Variants in BDKRB1 observed in about 807,000 individuals in gnomAD.
BDKRB1 encodes the protein bradykinin receptor B1, also known as B1 bradykinin receptor.
For missense variants in BDKRB1, 414 were observed against 441.4 expected (o/e 0.94, Z 0.56); for synonymous variants, 192 against 189.1 (o/e 1.02, Z -0.13).
At chr14:96,263,637 C>A in intron 2 of BDKRB1, 36 bp from the exon 3 acceptor site, 1 of 1,552,956 alleles carries the variant, frequency 6.4e-7, no homozygotes, top group South Asian at 1.3e-5. Context: ...TGTAGTCTGC[C>A]ACTTCCTGTT....
chr14:96,264,238 A>G lies in BDKRB1; in HGVS notation c.556A>G (p.Ile186Val), dbSNP rs1885834133. The change falls in exon 3 of 3, where the codon ATC (isoleucine) becomes GTC (valine). Residue 186 changes from isoleucine (I) to valine (V), a missense_variant. Transcript: ENST00000216629. ...RSIQAVPDLNITACILLLPHE... is the reference protein window; with the variant it reads ...RSIQAVPDLNVTACILLLPHE... ...CATCCAAGCCGTCCCAGATCTGAAC[A>G]TCACCGCCTGCATCCTGCTCCTCCC... 1 of 1,614,054 alleles carries G rather than the reference A, an allele frequency of 6.2e-7. No individual in the cohort carries two copies. The highest frequency in any genetic ancestry group is 1.3e-5 in the African/African-American group (1 of 74,926).
At chr14:96,262,619 TTTTTTTTGTTG>T in intron 1 of BDKRB1, 22 bp from the exon 2 acceptor site, 1 of 318,656 alleles carries the variant, frequency 3.1e-6, no homozygotes, top group Admixed American at 4.1e-5. Flanking sequence ...TTTTTTTTTT[TTTTTTTTGTTG>T]TTGTTGTTGT....
At chr14:96,257,962 AGGAGGGAAGGAGGGTAG>A (rs1223173986) in intron 1 of BDKRB1, among the ~76,000 whole-genome samples, 1 of 145,934 alleles carries the variant, frequency 6.9e-6, no homozygotes, top group Non-Finnish European at 1.5e-5. Context: ...GAAGGAAGGA[AGGAGGGAAGGAGGGTAG>A]GGAGGGAAGG....
intron 2 of BDKRB1, among the ~76,000 whole-genome samples, chr14:96,263,171 G>A (rs1316115113): frequency 6.6e-6 from 1 of 152,076 alleles, no homozygotes; most frequent in Non-Finnish European, 1.5e-5. Context: ...TTAAATGCCT[G>A]TTAAAACCCT....
intron 1 of BDKRB1, among the ~76,000 whole-genome samples, chr14:96,260,768 GCT>G (rs1885730947): frequency 6.6e-6 from 1 of 152,046 alleles, no homozygotes. Context: ...TGCAACTTCT[GCT>G]CTTTTATCTA....
intron 1 of BDKRB1, among the ~76,000 whole-genome samples, chr14:96,258,008 GGGAAGGAA>G (rs1196118891): frequency 6.7e-6 from 1 of 148,850 alleles, no homozygotes; most frequent in Non-Finnish European, 1.5e-5. Context: ...AGGGAATGAA[GGGAAGGAA>G]GGAAGGAAGG....
At chr14:96,262,562 C>G (rs1308609116) in intron 1 of BDKRB1, 90 bp from the exon 2 acceptor site, 6 of 411,994 alleles carry the variant, frequency 1.5e-5, no homozygotes, top group African/African-American at 1.3e-4. Flanking sequence ...TTATTTATTA[C>G]TCATGCTTTC....
rs753395833 is a variant in BDKRB1 at position 96,264,252 on chromosome 14, C to G, written c.570C>G (p.Ile190Met). 6.2e-6 allele frequency: 10 copies of G among 1,614,090 alleles called. No individual in the cohort carries two copies. Among genetic ancestry groups the G allele is most frequent in the Non-Finnish European group, 8.5e-6 (10 of 1,180,046 alleles). The change falls in exon 3 of 3, where the codon ATC becomes ATG. Residue 190 changes from isoleucine (I) to methionine (M), a missense_variant. Physicochemically the swap from Ile to Met is conservative, Grantham distance 10. Coordinates refer to ENST00000216629, the MANE Select transcript of BDKRB1 (RefSeq NM_000710.4). ...AVPDLNITAC[I>M]LLLPHEAWHF... ...CAGATCTGAACATCACCGCCTGCAT[C>G]CTGCTCCTCCCCCATGAGGCCTGGC...
rs755771607 is a variant in BDKRB1 at position 96,264,248 on chromosome 14, G to A, written c.566G>A (p.Cys189Tyr). 1.2e-6 allele frequency: 2 copies of A among 1,614,140 alleles called. No individual in the cohort carries two copies. The highest frequency in any genetic ancestry group is 1.7e-6 in the Non-Finnish European group (2 of 1,180,020). The change falls in exon 3 of 3, where the codon TGC becomes TAC. Residue 189 changes from cysteine (C) to tyrosine (Y), a missense_variant. Cys to Tyr is a radical substitution (Grantham distance 194). Coordinates refer to ENST00000216629, the MANE Select transcript of BDKRB1 (RefSeq NM_000710.4). ...GTCCCAGATCTGAACATCACCGCCT[G>A]CATCCTGCTCCTCCCCCATGAGGCC... Reference protein sequence around the residue: ...QAVPDLNITACILLLPHEAWH... With the variant: ...QAVPDLNITAYILLLPHEAWH...
Position 96,263,833 on chromosome 14 carries a change from G to A in BDKRB1, c.151G>A (p.Gly51Ser), listed in dbSNP as rs369936721. ...PTFIISICFFGLLGNLFVLLV... is the reference protein window; with the variant it reads ...PTFIISICFFSLLGNLFVLLV... ...ATTTATCATCTCCATCTGTTTCTTC[G>A]GCCTCCTAGGGAACCTTTTTGTCCT... Residue 51 changes from glycine (G) to serine (S), a missense_variant, in exon 3 of 3, where the codon GGC becomes AGC. Transcript: ENST00000216629. The A allele has an allele frequency of 2.8e-5, 45 of 1,613,816 alleles. No individual in the cohort carries two copies. Among genetic ancestry groups the A allele is most frequent in the African/African-American group, 1.6e-4 (12 of 74,892 alleles).
Position 96,264,758 on chromosome 14 carries a change from C to G in BDKRB1, c.*14C>G, listed in dbSNP as rs565700956. On this transcript the variant is annotated 3_prime_UTR_variant, in exon 3 of 3. Transcript: ENST00000216629. ...TGGCGGAATTAAAACAGCATTGAACCAAGAAGCTTGGCTTTCTTATCAATT... is the reference window on the plus strand; with the variant it reads ...TGGCGGAATTAAAACAGCATTGAACGAAGAAGCTTGGCTTTCTTATCAATT... 14 of 1,586,796 alleles carry G rather than the reference C, an allele frequency of 8.8e-6. No individual in the cohort carries two copies. The highest frequency in any genetic ancestry group is 1.2e-5 in the Non-Finnish European group (14 of 1,170,172).
Position 96,263,725 on chromosome 14 carries a change from C to A in BDKRB1, c.43C>A (p.Gln15Lys), listed in dbSNP as rs757769026. The change falls in exon 3 of 3, where the codon CAG becomes AAG. Residue 15 changes from glutamine to lysine, a missense_variant. Transcript: ENST00000216629. ...CCCTCTAGAGCTCCAATCCTCCAACCAGAGCCAGCTCTTCCCTCAAAATGC... is the reference window on the plus strand; with the variant it reads ...CCCTCTAGAGCTCCAATCCTCCAACAAGAGCCAGCTCTTCCCTCAAAATGC... ...WPPLELQSSN[Q>K]SQLFPQNATA... 6.2e-7 allele frequency: 1 copy of A among 1,614,190 alleles called. No individual in the cohort carries two copies. The highest frequency in any genetic ancestry group is 2.2e-5 in the East Asian group (1 of 44,882).
At chr14:96,260,983 A>G (rs1202983533) in intron 1 of BDKRB1, among the ~76,000 whole-genome samples, 3 of 150,646 alleles carry the variant, frequency 2.0e-5, no homozygotes, top group Non-Finnish European at 3.0e-5. Flanking sequence ...GTTCTTCCCC[A>G]CCCCCCACAA....
At chr14:96,257,656 T>C (rs1885646642) in intron 1 of BDKRB1, among the ~76,000 whole-genome samples, 1 of 152,006 alleles carries the variant, frequency 6.6e-6, no homozygotes, top group South Asian at 2.1e-4. Context: ...CCCTGAGAAA[T>C]CCCAACCAAT....
Position 96,263,847 on chromosome 14 carries a change from C to A in BDKRB1, c.165C>A (p.Asn55Lys), listed in dbSNP as rs745854535. The A allele has an allele frequency of 8.1e-6, 13 of 1,614,174 alleles. No individual in the cohort carries two copies. The Admixed American group carries it at 1.3e-4, about 17-fold the overall frequency. The part of the protein sequence containing the change: ...ISICFFGLLG[N>K]LFVLLVFLLP... ...TCTGTTTCTTCGGCCTCCTAGGGAA[C>A]CTTTTTGTCCTGTTGGTCTTCCTCC... The change falls in exon 3 of 3, where the codon AAC becomes AAA. Residue 55 changes from asparagine (N) to lysine (K), a missense_variant. Physicochemically the swap from Asn to Lys is moderately conservative, Grantham distance 94. Transcript: ENST00000216629.
At chr14:96,256,383 C>G (rs1885618435) in intron 1 of BDKRB1, 83 bp downstream of exon 1, 3 of 152,064 alleles carry the variant, frequency 2.0e-5, no homozygotes, top group African/African-American at 7.2e-5. Flanking sequence ...AAACAAAAAA[C>G]TTCCTTTTAC....
Position 96,263,299 on chromosome 14 carries a change from G to A in BDKRB1, c.-10-374G>A, listed in dbSNP as rs866799936. On this transcript the variant is annotated intron_variant, in intron 2 of 2. Coordinates refer to ENST00000216629, the MANE Select transcript of BDKRB1 (RefSeq NM_000710.4). ...TGTAGATCCTGACAACAGCCCTCCCGTGATCCCACAAGAGAGACACGATTC... is the reference window on the plus strand; with the variant it reads ...TGTAGATCCTGACAACAGCCCTCCCATGATCCCACAAGAGAGACACGATTC... Among the ~76,000 whole-genome samples the A allele has an allele frequency of 3.9e-5, 6 of 152,252 alleles. No homozygotes were observed. In the South Asian group the frequency reaches 6.2e-4, roughly 16 times the overall value.
In BDKRB1 at chr14:96,263,783, A is replaced by T. The variant is rs148906103; in HGVS notation, c.101A>T (p.Asp34Val). ...TGTGACAATGCTCCAGAAGCCTGGG[A>T]CCTGCTGCACAGAGTGCTGCCAACA... ...TACDNAPEAWDLLHRVLPTFI... is the reference protein window; with the variant it reads ...TACDNAPEAWVLLHRVLPTFI... Residue 34 changes from aspartate to valine, a missense_variant, in exon 3 of 3, where the codon GAC (aspartate) becomes GTC (valine). Transcript: ENST00000216629. 154 of 1,614,048 alleles carry T rather than the reference A, an allele frequency of 9.5e-5. No homozygotes were observed. The highest frequency in any genetic ancestry group is 1.6e-4 in the Middle Eastern group (1 of 6,084).
In BDKRB1 at chr14:96,264,569, T is replaced by G. The variant is rs769590341; in HGVS notation, c.887T>G (p.Leu296Trp). The G allele has an allele frequency of 1.2e-6, 2 of 1,614,186 alleles. No individual in the cohort carries two copies. Among genetic ancestry groups the G allele is most frequent in the Admixed American group, 3.3e-5 (2 of 60,032 alleles). The change falls in exon 3 of 3, where the codon TTG becomes TGG. Residue 296 changes from leucine (L) to tryptophan (W), a missense_variant. Transcript: ENST00000216629. Reference protein sequence around the residue: ...WEDFIDLGLQLANFFAFTNSS... With the variant: ...WEDFIDLGLQWANFFAFTNSS... Reference sequence around the variant, plus strand: ...GACTTCATTGACCTGGGCCTGCAATTGGCCAACTTCTTTGCCTTCACTAAC... The same window carrying G: ...GACTTCATTGACCTGGGCCTGCAATGGGCCAACTTCTTTGCCTTCACTAAC...
Sources: gnomAD v4.1 joint callset for allele counts (sites outside exome capture counted in the v4.1 genomes callset) on GRCh38, gnomAD v4.1.1 for gene constraint, MANE v1.5 for transcripts, NCBI Gene and HGNC (gene_info 2026-07-23, HGNC 2026-07-21) for gene names.